The following CYLC2 variants were observed in gnomAD, a reference collection of about 807,000 sequenced individuals.
The protein encoded by CYLC2 is cylicin-2.
Under a neutral mutation model 26.1 loss-of-function variants are expected in CYLC2, and 30 were observed. The ratio of observed to expected loss-of-function variants is 1.15; its 90% CI spans 0.86 to 1.56. The LOEUF is 1.56. Ranked by LOEUF, CYLC2 falls within the 40% of genes most tolerant of loss-of-function variation. The pLI, the probability that CYLC2 is intolerant of heterozygous loss-of-function variation, is 0.00. For synonymous variants in CYLC2, 158 were observed against 132.8 expected (o/e 1.19, Z -1.31); for missense variants, 498 against 394.4 (o/e 1.26, Z -2.23).
intron 5 of CYLC2, among the ~76,000 whole-genome samples, chr9:103,009,396 G>GT (rs1829382569): frequency 6.6e-6 from 1 of 151,878 alleles, no homozygotes. Flanking sequence ...TAGAGATGGA[G>GT]TTTTGCCATG....
intron 6 of CYLC2, among the ~76,000 whole-genome samples, chr9:103,014,042 A>G (rs1305690159): frequency 8.5e-6 from 1 of 117,796 alleles, no homozygotes; most frequent in African/African-American, 3.4e-5. Flanking sequence ...TTATATACAT[A>G]CTTTATATAT....
At chr9:102,997,778 G>A (rs1420221618) in intron 1 of CYLC2, among the ~76,000 whole-genome samples, 1 of 151,800 alleles carries the variant, frequency 6.6e-6, no homozygotes, top group African/African-American at 2.4e-5. Context: ...ACAGTTACAG[G>A]CAAGAGGAAA....
intron 6 of CYLC2, among the ~76,000 whole-genome samples, chr9:103,016,457 T>C (rs1296515106): frequency 1.3e-5 from 2 of 152,078 alleles, no homozygotes; most frequent in African/African-American, 4.8e-5. Flanking sequence ...TAAATTATAA[T>C]TTCAGTAGTT....
chr9:103,006,557 C>A (rs1366971163), intron 5 of CYLC2, among the ~76,000 whole-genome samples, 179 bp downstream of exon 5: 1 of 151,912 alleles, frequency 6.6e-6, no homozygotes, highest in African/African-American at 2.4e-5. Context: ...GGACTACAGG[C>A]GCCTGCCACC....
intron 1 of CYLC2, among the ~76,000 whole-genome samples, chr9:102,996,998 G>A (rs1348888652): frequency 6.6e-6 from 1 of 151,686 alleles, no homozygotes; most frequent in East Asian, 1.9e-4. Flanking sequence ...CTAAATATAT[G>A]AACATTTAAA....
At position 103,007,787 on chromosome 9, in the gene CYLC2, G is replaced by A. The variant is rs184591698; in HGVS notation, c.*700+1409G>A. On this transcript the variant is annotated intron_variant, in intron 5 of 7. Coordinates refer to ENST00000374798, the MANE Select transcript of CYLC2 (RefSeq NM_001340.5). ...TTGGATGCAACATAAAGCTTCTCTT[G>A]GACATTAAAGGAAGGGTCTCCTAGT... Among the ~76,000 whole-genome samples the A allele has an allele frequency of 3.9e-5, 6 of 152,088 alleles. No individual in the cohort carries two copies. In the East Asian group the frequency reaches 7.7e-4, roughly 20 times the overall value.
intron 6 of CYLC2, among the ~76,000 whole-genome samples, chr9:103,015,834 C>A (rs1409011164): frequency 6.6e-6 from 1 of 150,392 alleles, no homozygotes; most frequent in South Asian, 2.1e-4. Context: ...ATACCAATAT[C>A]TATTATACTA....
intron 7 of CYLC2, among the ~76,000 whole-genome samples, chr9:103,017,617 C>A (rs1270473045): frequency 6.6e-6 from 1 of 151,990 alleles, no homozygotes; most frequent in African/African-American, 2.4e-5. Context: ...AAACCCAGGA[C>A]AAAGAATATC....
At chr9:103,008,570 G>A (rs1829375116) in intron 5 of CYLC2, among the ~76,000 whole-genome samples, 1 of 151,870 alleles carries the variant, frequency 6.6e-6, no homozygotes, top group South Asian at 2.1e-4. Flanking sequence ...CTCCAGCAAT[G>A]CCTCTTTCTC....
intron 1 of CYLC2, among the ~76,000 whole-genome samples, chr9:102,998,498 C>A (rs1284944427): frequency 6.6e-6 from 1 of 151,846 alleles, no homozygotes. Context: ...GAAAGAGATG[C>A]TCTCACCAGC....
intron 5 of CYLC2, among the ~76,000 whole-genome samples, chr9:103,009,484 A>G (rs1270065933): frequency 6.6e-6 from 1 of 152,058 alleles, no homozygotes; most frequent in Non-Finnish European, 1.5e-5. Context: ...GATTACAGGA[A>G]TGGTACTATC....
At chr9:103,012,421 A>G (rs1280779109) in intron 6 of CYLC2, among the ~76,000 whole-genome samples, 4 of 152,078 alleles carry the variant, frequency 2.6e-5, no homozygotes, top group Non-Finnish European at 5.9e-5. Context: ...TGTTTTGAAC[A>G]TATTGAATAT....
At chr9:103,012,716 T>C (rs1002138762) in intron 6 of CYLC2, among the ~76,000 whole-genome samples, 1 of 152,012 alleles carries the variant, frequency 6.6e-6, no homozygotes, top group African/African-American at 2.4e-5. Flanking sequence ...AACAGAAACG[T>C]ACTCCAGGTG....
At position 103,014,370 on chromosome 9, in the gene CYLC2, C is replaced by CAT. The variant is rs750074636; in HGVS notation, c.*816+2274_*816+2275dup. On this transcript the variant is annotated intron_variant, in intron 6 of 7. Transcript: ENST00000374798. ...ATATTACCTAATATTACATAATATA[C>CAT]ATTATGTATATTACGTAATATAACA... Among the ~76,000 whole-genome samples the CAT allele has an allele frequency of 4.7e-4, 63 of 132,756 alleles. 1 individual carries two copies. Among genetic ancestry groups the CAT allele is most frequent in the Middle Eastern group, 0.012 (1 of 86 alleles). 87.1% of individuals were successfully genotyped at this position (132,756 alleles called of 152,430 possible). A position where few individuals can be genotyped will look rare whatever the true frequency, so the allele number is the denominator to read the frequency against.
intron 2 of CYLC2, among the ~76,000 whole-genome samples, chr9:103,001,898 C>T (rs1022206992): frequency 4.6e-5 from 7 of 152,034 alleles, no homozygotes; most frequent in African/African-American, 1.7e-4. Flanking sequence ...AGTTGAAAAG[C>T]AATGTAGAAA....
intron 1 of CYLC2, among the ~76,000 whole-genome samples, chr9:102,996,131 C>A (rs1829234883): frequency 6.6e-6 from 1 of 151,744 alleles, no homozygotes; most frequent in African/African-American, 2.4e-5. Flanking sequence ...AAAGATAAAA[C>A]ATGAATATTA....
rs142815273 is a variant in CYLC2, at chr9:103,002,042, T to C, written c.58+424T>C. On this transcript the variant is annotated intron_variant, in intron 2 of 7. Transcript: ENST00000374798. The stretch of plus-strand genomic sequence containing the variant: ...GTATTTGATTTTGAAGAACTTCAAA[T>C]ATCAAGTATTTTCCCCTCAGATACT... Among the ~76,000 whole-genome samples the C allele has an allele frequency of 5.8e-3, 885 of 152,248 alleles. 10 individuals are homozygous for C. Among genetic ancestry groups the C allele is most frequent in the African/African-American group, 0.02 (844 of 41,564 alleles).
chr9:103,015,084 C>A (rs1334765833), intron 6 of CYLC2, among the ~76,000 whole-genome samples: 1 of 79,908 alleles, frequency 1.3e-5, no homozygotes, highest in Non-Finnish European at 2.5e-5. Context: ...ATGTAATATA[C>A]ATAACATGTA....
intron 6 of CYLC2, among the ~76,000 whole-genome samples, chr9:103,015,485 G>T (rs1829493568): frequency 1.5e-5 from 2 of 133,426 alleles, no homozygotes; most frequent in African/African-American, 2.8e-5. Context: ...TACATTATAT[G>T]TAATTATATA....
Sources: allele counts gnomAD v4.1 joint callset (sites outside exome capture counted in the v4.1 genomes callset), GRCh38; gene constraint gnomAD v4.1.1; transcripts MANE v1.5; gene names NCBI Gene and HGNC (gene_info 2026-07-23, HGNC 2026-07-21).